CCDC50: variants seen among roughly 807,000 people sequenced by gnomAD.
CCDC50 encodes the protein coiled-coil domain containing 50, also known as coiled-coil domain-containing protein 50.
CCDC50 carries 54 observed loss-of-function variants against 70.2 expected under a neutral mutation model. That is an observed-to-expected ratio of 0.77 (90% CI 0.62 to 0.96). CCDC50 has a LOEUF of 0.96. Ranked by LOEUF, CCDC50 falls within the 50% of genes least tolerant of loss-of-function variation. CCDC50 has a pLI of 0.00. For missense variants in CCDC50, 558 were observed against 578.7 expected, an observed-to-expected ratio of 0.96 and a Z score of 0.37; for synonymous variants, 216 against 198.8, an observed-to-expected ratio of 1.09 and a Z score of -0.73.
rs1713057476 is a variant in CCDC50, at chr3:191,375,261, C to T, written c.648C>T (p.Pro216=). Reference sequence around the variant, plus strand: ...GCTCGGGCAAAGGGAGGGACAATCCCCATATTAACAATGAGCAGCATGAAA... The same window carrying T: ...GCTCGGGCAAAGGGAGGGACAATCCTCATATTAACAATGAGCAGCATGAAA... ...SSSSGKGRDN[P]HINNEQHERK... is the part of the protein sequence containing the mutation. Residue 216 remains proline, a synonymous_variant, in exon 6 of 12, where the codon CCC becomes CCT. Transcript: ENST00000392455. 3 of 1,613,732 alleles carry T rather than the reference C, an allele frequency of 1.9e-6. No individual in the cohort carries two copies. In the East Asian group the frequency reaches 6.7e-5, roughly 36 times the overall value.
At chr3:191,330,389 C>T (rs1717939112) in intron 1 of CCDC50, 1 of 152,572 alleles carries the variant, frequency 6.6e-6, no homozygotes, top group African/African-American at 2.4e-5. Context: ...TACCAATGTC[C>T]AGGAAAGTAG....
rs1713706201 is a variant in CCDC50 at position 191,391,805 on chromosome 3, T to C, written c.*45T>C. ...GAAAATGGACTCACTATAGCAAATA[T>C]TACTGGGTGATACAGAATGAATTCT... is the stretch of plus-strand genomic sequence containing the variant. On this transcript the variant is annotated 3_prime_UTR_variant, in exon 12 of 12. Transcript: ENST00000392455. The C allele has an allele frequency of 6.5e-7, 1 of 1,545,824 alleles. No homozygotes were observed. The highest frequency in any genetic ancestry group is 1.4e-5 in the African/African-American group (1 of 73,484).
chr3:191,340,950 C>T (rs556193818), intron 1 of CCDC50, among the ~76,000 whole-genome samples: 8 of 152,196 alleles, frequency 5.3e-5, no homozygotes, highest in Middle Eastern at 3.4e-3. Context: ...ATCCTTCTGC[C>T]TCAGCCTCCT....
intron 1 of CCDC50, among the ~76,000 whole-genome samples, chr3:191,356,093 A>G (rs1576957329): frequency 6.6e-6 from 1 of 152,212 alleles, no homozygotes; most frequent in South Asian, 2.1e-4. Context: ...GTCCTACTCA[A>G]TTGCAGTAAT....
chr3:191,377,662 A>T (rs1166073080), intron 6 of CCDC50, among the ~76,000 whole-genome samples: 1 of 152,150 alleles, frequency 6.6e-6, no homozygotes, highest in Admixed American at 6.6e-5. Flanking sequence ...ACATGATATC[A>T]AAAAGAATCT....
chr3:191,374,463 T>G (rs528471498), intron 5 of CCDC50, among the ~76,000 whole-genome samples: 52 of 150,130 alleles, frequency 3.5e-4, no homozygotes, highest in Non-Finnish European at 6.2e-4. Context: ...TTGATCCTCT[T>G]TTATATTGAA....
At chr3:191,341,691 G>T (rs1351719111) in intron 1 of CCDC50, among the ~76,000 whole-genome samples, 1 of 152,068 alleles carries the variant, frequency 6.6e-6, no homozygotes. Flanking sequence ...TGTAACTGAA[G>T]TACCAATAAG....
chr3:191,356,854 C>T (rs1712301625), intron 1 of CCDC50, among the ~76,000 whole-genome samples: 1 of 152,232 alleles, frequency 6.6e-6, no homozygotes, highest in East Asian at 1.9e-4. Context: ...GGGGCCAAGG[C>T]TAACCAGTAT....
At chr3:191,356,899 C>CTA (rs1712303530) in intron 1 of CCDC50, among the ~76,000 whole-genome samples, 189 bp from the exon 2 acceptor site, 1 of 152,034 alleles carries the variant, frequency 6.6e-6, no homozygotes. Flanking sequence ...TAAGCAGGCA[C>CTA]TATAGATTTT....
rs565275900 is a variant in CCDC50 at position 191,381,518 on chromosome 3, G to T, written c.1242+586G>T. 3.3e-5 allele frequency among the ~76,000 whole-genome samples: 5 copies of T among 152,272 alleles called. No homozygotes were observed. The East Asian group carries it at 9.6e-4, about 29-fold the overall frequency. On this transcript the variant is annotated intron_variant, in intron 9 of 11. Transcript: ENST00000392455. Reference sequence around the variant, plus strand: ...ATAAGCAGTTACTGCAATTCATTTTGCTGCGGTAATTGTGAGTTCCAGCTT... The same window carrying T: ...ATAAGCAGTTACTGCAATTCATTTTTCTGCGGTAATTGTGAGTTCCAGCTT...
intron 1 of CCDC50, among the ~76,000 whole-genome samples, chr3:191,331,433 G>A (rs1193916018): frequency 6.6e-6 from 1 of 152,100 alleles, no homozygotes; most frequent in Non-Finnish European, 1.5e-5. Context: ...AAAAATGCAA[G>A]ATTTTTCCAT....
At position 191,391,699 on chromosome 3, in the gene CCDC50, G is replaced by GT. The variant is rs1345637692; in HGVS notation, c.1430-37dup. ...AGAAAAAGCTGTTTGAGTTTCAAAGGTTTTTCCTTAATTGTGTTTCCTTTT... is the reference window on the plus strand; with the variant it reads ...AGAAAAAGCTGTTTGAGTTTCAAAGGTTTTTTCCTTAATTGTGTTTCCTTTT... On this transcript the variant is annotated intron_variant, in intron 11 of 11. Coordinates refer to ENST00000392455, the MANE Select transcript of CCDC50 (RefSeq NM_178335.3). 6 of 1,595,610 alleles carry GT rather than the reference G, an allele frequency of 3.8e-6. No individual in the cohort carries two copies. In the African/African-American group the frequency reaches 6.7e-5, roughly 18 times the overall value.
chr3:191,364,135 C>A (rs903243741), intron 4 of CCDC50, among the ~76,000 whole-genome samples: 1 of 151,114 alleles, frequency 6.6e-6, no homozygotes, highest in East Asian at 1.9e-4. Flanking sequence ...GTGGCGCAAT[C>A]TTCGCTCACT....
At chr3:191,372,887 A>G (rs551375878) in intron 5 of CCDC50, among the ~76,000 whole-genome samples, 122 of 152,248 alleles carry the variant, frequency 8.0e-4, no homozygotes, top group Non-Finnish European at 1.5e-3. Flanking sequence ...GAAGTTACGT[A>G]CTAAATAAAA....
intron 1 of CCDC50, among the ~76,000 whole-genome samples, chr3:191,341,650 G>GT (rs2108635812): frequency 1.3e-5 from 2 of 152,234 alleles, no homozygotes; most frequent in South Asian, 4.1e-4. Context: ...TTCAGCCTTT[G>GT]TTGGGAATAG....
chr3:191,345,286 A>T (rs1437832528), intron 1 of CCDC50, among the ~76,000 whole-genome samples: 1 of 152,226 alleles, frequency 6.6e-6, no homozygotes, highest in African/African-American at 2.4e-5. Flanking sequence ...GCTTTAACAC[A>T]GGAAGCTTAT....
chr3:191,377,559 C>A lies in CCDC50; in HGVS notation c.976+1970C>A, dbSNP rs149366025. Reference sequence around the variant, plus strand: ...CAGGTTAACTTCTAAACTCACAGGGCCATAAAATATCTGCACTGTTCTGCT... The same window carrying A: ...CAGGTTAACTTCTAAACTCACAGGGACATAAAATATCTGCACTGTTCTGCT... On this transcript the variant is annotated intron_variant, in intron 6 of 11. Coordinates refer to ENST00000392455, the MANE Select transcript of CCDC50 (RefSeq NM_178335.3). Among the ~76,000 whole-genome samples, 4 of 152,162 alleles carry A rather than the reference C, an allele frequency of 2.6e-5. No individual in the cohort carries two copies. In the East Asian group the frequency reaches 7.7e-4, roughly 29 times the overall value.
chr3:191,350,953 G>C lies in CCDC50; in HGVS notation c.50-6135G>C, dbSNP rs1712087779. ...TTGAGACTGTGTTCCTTTAGTGGAAGAGTAAACAAAATTCCTGCTGCCCTT... is the reference window on the plus strand; with the variant it reads ...TTGAGACTGTGTTCCTTTAGTGGAACAGTAAACAAAATTCCTGCTGCCCTT... On this transcript the variant is annotated intron_variant, in intron 1 of 11. Transcript: ENST00000392455. Among the ~76,000 whole-genome samples the C allele has an allele frequency of 1.4e-5, 2 of 141,236 alleles. 1 individual carries two copies. Among genetic ancestry groups the C allele is most frequent in the South Asian group, 4.4e-4 (2 of 4,516 alleles). The allele number at this position is 141,236 out of a possible 152,430, so 92.7% of individuals were successfully genotyped here.
chr3:191,343,790 A>G (rs938036259), intron 1 of CCDC50, among the ~76,000 whole-genome samples: 2 of 152,190 alleles, frequency 1.3e-5, no homozygotes, highest in African/African-American at 4.8e-5. Context: ...AGTGCTTGGT[A>G]AAGTATTAGA....
Sources: allele counts gnomAD v4.1 joint callset (sites outside exome capture counted in the v4.1 genomes callset), GRCh38; gene constraint gnomAD v4.1.1; transcripts MANE v1.5; gene names NCBI Gene and HGNC (gene_info 2026-07-23, HGNC 2026-07-21).